Variants in PCDHGA1 observed in about 807,000 individuals in gnomAD.
PCDHGA1 encodes the protein protocadherin gamma subfamily A, 1, also known as protocadherin gamma-A1.
In PCDHGA1, 32 loss-of-function variants were observed where a neutral mutation model predicts 58.0. That is an observed-to-expected ratio of 0.55 (90% CI 0.42 to 0.74). PCDHGA1 has a LOEUF of 0.74. Among genes scored for constraint, PCDHGA1 ranks in the 30% least tolerant of loss-of-function variants. The pLI, the probability that PCDHGA1 is intolerant of heterozygous loss-of-function variation, is 0.00. For synonymous variants in PCDHGA1, 498 were observed against 501.1 expected, an observed-to-expected ratio of 0.99 and a Z score of 0.08; for missense variants, 1,205 against 1,182.3, an observed-to-expected ratio of 1.02 and a Z score of -0.28.
rs1160304959 is a variant in PCDHGA1, at chr5:141,490,969, C to A, written c.2422-3838C>A. On this transcript the variant is annotated intron_variant, in intron 1 of 3. Coordinates refer to ENST00000517417, the MANE Select transcript of PCDHGA1 (RefSeq NM_018912.3). This position sits in a 1 kb window ranked among gnomAD's most constrained non-coding sequence, Gnocchi z 5.4. ...GCCAGACTGGGAACACTCAGCCCCC[C>A]AGCGTCTCCCTCGCTCTGCTCCTCC... The A allele has an allele frequency of 2.5e-6, 4 of 1,613,820 alleles. No individual in the cohort carries two copies. In the African/African-American group the frequency reaches 4.0e-5, roughly 16 times the overall value.
intron 1 of PCDHGA1, chr5:141,340,933 C>G (rs1407538556): frequency 1.9e-6 from 3 of 1,613,762 alleles, no homozygotes; most frequent in Non-Finnish European, 2.5e-6. Flanking sequence ...AGCCCCCTCT[C>G]TCCGCCACTG....
In PCDHGA1 at chr5:141,476,210, G is replaced by A; in HGVS notation, c.2422-18597G>A. ...TGGTGCCTTGAACAAGGCTTCCACG[G>A]TCATTCACTATGAGATCCCGGAGGA... is the stretch of plus-strand genomic sequence containing the variant. On this transcript the variant is annotated intron_variant, in intron 1 of 3. Coordinates refer to ENST00000517417, the MANE Select transcript of PCDHGA1 (RefSeq NM_018912.3). The surrounding 1 kb of genome is among the most constrained non-coding windows in gnomAD (Gnocchi z 7.6). 6.2e-7 allele frequency: 1 copy of A among 1,614,012 alleles called. No individual in the cohort carries two copies. Among genetic ancestry groups the A allele is most frequent in the Non-Finnish European group, 8.5e-7 (1 of 1,180,012 alleles).
intron 1 of PCDHGA1, chr5:141,422,871 G>T (rs769543752): frequency 3.7e-6 from 6 of 1,614,098 alleles, no homozygotes; most frequent in Non-Finnish European, 5.1e-6. Context: ...GCAACGTGTC[G>T]CTGAGCCTGT....
At chr5:141,427,092 G>T in intron 1 of PCDHGA1, 1 of 458,134 alleles carries the variant, frequency 2.2e-6, no homozygotes, top group Non-Finnish European at 4.4e-6. Flanking sequence ...CCAGGATGAG[G>T]GTGTCAATGC....
chr5:141,422,470 T>C, intron 1 of PCDHGA1: 1 of 1,613,440 alleles, frequency 6.2e-7, no homozygotes, highest in Non-Finnish European at 8.5e-7. Flanking sequence ...GGACAGGGAG[T>C]TGGTCCAGAG....
At position 141,366,470 on chromosome 5, in the gene PCDHGA1, C is replaced by T. The variant is rs374198651; in HGVS notation, c.2421+33365C>T. 3.1e-6 allele frequency: 5 copies of T among 1,614,136 alleles called. No individual in the cohort carries two copies. In the African/African-American group the frequency reaches 6.7e-5, roughly 22 times the overall value. On this transcript the variant is annotated intron_variant, in intron 1 of 3. Transcript: ENST00000517417. ...GGCCTTCGTCATCGTGCTGCTGGTG[C>T]TCAGACTGAGGCGCTGGCACAAGTC...
intron 1 of PCDHGA1, chr5:141,440,130 A>G (rs1222064545): frequency 6.6e-6 from 1 of 152,282 alleles, no homozygotes; most frequent in African/African-American, 2.4e-5. Context: ...TGAATGGATC[A>G]GGAGCAGATA....
intron 1 of PCDHGA1, chr5:141,383,470 T>G (rs1779162782): frequency 6.2e-7 from 1 of 1,613,710 alleles, no homozygotes; most frequent in Non-Finnish European, 8.5e-7. Flanking sequence ...TGAAACTAAG[T>G]ACCCGGAACT....
intron 1 of PCDHGA1, among the ~76,000 whole-genome samples, chr5:141,405,769 C>T (rs1363688527): frequency 2.6e-5 from 4 of 152,080 alleles, no homozygotes; most frequent in Non-Finnish European, 2.9e-5. Context: ...TGAGCCACTG[C>T]GCCTGGCCCT....
intron 1 of PCDHGA1, chr5:141,398,503 A>G (rs2093664041): frequency 1.9e-6 from 3 of 1,601,316 alleles, no homozygotes; most frequent in Non-Finnish European, 1.7e-6. Flanking sequence ...GATCGAGGAC[A>G]TTAATGACCA....
chr5:141,332,010 G>C lies in PCDHGA1; in HGVS notation c.1326G>C (p.Val442=). ...CTGAAACTCACATTTCACTACTAGT[G>C]ACAGATATCAATGACAACTCCCCAG... The part of the protein sequence containing the change: ...LSTETHISLL[V]TDINDNSPVF... Residue 442 remains valine, a synonymous_variant, in exon 1 of 4, where the codon GTG becomes GTC. Transcript: ENST00000517417. The surrounding 1 kb of genome is among the most constrained non-coding windows in gnomAD (Gnocchi z 4.6). 6.2e-7 allele frequency: 1 copy of C among 1,614,152 alleles called. No homozygotes were observed. Among genetic ancestry groups the C allele is most frequent in the Non-Finnish European group, 8.5e-7 (1 of 1,180,034 alleles).
chr5:141,501,132 G>T (rs371444727), intron 2 of PCDHGA1, among the ~76,000 whole-genome samples: 2 of 152,262 alleles, frequency 1.3e-5, no homozygotes, highest in East Asian at 3.9e-4. Flanking sequence ...CTCCCTAAGT[G>T]CTGGGATTAC....
chr5:141,365,178 A>G, intron 1 of PCDHGA1: 2 of 1,613,928 alleles, frequency 1.2e-6, no homozygotes, highest in Non-Finnish European at 1.7e-6. Flanking sequence ...TCTTTTCGCA[A>G]TGAAGAAGAA....
intron 1 of PCDHGA1, chr5:141,375,050 G>A: frequency 6.2e-7 from 1 of 1,614,046 alleles, no homozygotes; most frequent in Non-Finnish European, 8.5e-7. Flanking sequence ...TGAAGCCCGG[G>A]ATGGGCCAGG....
chr5:141,432,635 G>C lies in PCDHGA1; in HGVS notation c.2422-62172G>C, dbSNP rs754354737. On this transcript the variant is annotated intron_variant, in intron 1 of 3. Transcript: ENST00000517417. The surrounding 1 kb of genome is among the most constrained non-coding windows in gnomAD (Gnocchi z 6.0). ...CTCGGTGGGTCTGCACACGGGCGAG[G>C]TGCGCACGGCGCGAGCCCTGCTGGA... The C allele has an allele frequency of 5.6e-6, 9 of 1,612,886 alleles. No individual in the cohort carries two copies. Among genetic ancestry groups the C allele is most frequent in the Non-Finnish European group, 7.6e-6 (9 of 1,179,742 alleles).
At chr5:141,345,368 C>T (rs1221853563) in intron 1 of PCDHGA1, 1 of 1,614,144 alleles carries the variant, frequency 6.2e-7, no homozygotes, top group East Asian at 2.2e-5. Flanking sequence ...TGATTGACAT[C>T]AATGACAACC....
At chr5:141,366,405 A>G (rs774336426) in intron 1 of PCDHGA1, 3 of 1,614,106 alleles carry the variant, frequency 1.9e-6, no homozygotes, top group Non-Finnish European at 1.7e-6. Context: ...CTCACACTCT[A>G]TCTTGTGGTG....
At chr5:141,394,034 G>T in intron 1 of PCDHGA1, 1 of 1,613,540 alleles carries the variant, frequency 6.2e-7, no homozygotes, top group Non-Finnish European at 8.5e-7. Flanking sequence ...TAGTGACAAG[G>T]AAATATTTGG....
At chr5:141,376,477 T>C (rs550916604) in intron 1 of PCDHGA1, 1 of 1,614,200 alleles carries the variant, frequency 6.2e-7, no homozygotes, top group African/African-American at 1.3e-5. Context: ...AGGATTTACT[T>C]GAAACGAAAG....
Sources: allele counts gnomAD v4.1 joint callset (sites outside exome capture counted in the v4.1 genomes callset), GRCh38; gene constraint gnomAD v4.1.1; non-coding constraint Gnocchi (gnomAD v3.1); transcripts MANE v1.5; gene names NCBI Gene and HGNC (gene_info 2026-07-23, HGNC 2026-07-21).